The following MARK3 variants were observed in gnomAD, a reference collection of about 807,000 sequenced individuals.
MARK3 encodes the protein microtubule affinity regulating kinase 3.
A neutral mutation model predicts 90.1 loss-of-function variants in MARK3; 46 were observed. That is an observed-to-expected ratio of 0.51 (90% confidence interval 0.40 to 0.65). The LOEUF is 0.65. Among genes scored for constraint, MARK3 ranks in the 30% least tolerant of loss-of-function variants. MARK3 has a pLI of 0.00. For synonymous variants in MARK3, 321 were observed against 332.6 expected, an observed-to-expected ratio of 0.97 and a Z score of 0.38; for missense variants, 818 against 947.2, an observed-to-expected ratio of 0.86 and a Z score of 1.79.
chr14:103,468,275 G>A, intron 12 of MARK3, 89 bp downstream of exon 12: 1 of 927,292 alleles, frequency 1.1e-6, no homozygotes, highest in Admixed American at 2.9e-5. Context: ...TCAGAGCCTG[G>A]CTTGATGTCC....
chr14:103,436,183 C>T (rs929681918), intron 3 of MARK3, among the ~76,000 whole-genome samples: 2 of 152,114 alleles, frequency 1.3e-5, no homozygotes, highest in South Asian at 4.1e-4. Context: ...GCCACCGTGC[C>T]CGGCAAAGTA....
Position 103,458,656 on chromosome 14 carries a change from G to T in MARK3, c.483+1444G>T, listed in dbSNP as rs530995990. The T allele has an allele frequency of 4.9e-6, 3 of 608,828 alleles. No homozygotes were observed. In the South Asian group the frequency reaches 6.0e-5, roughly 12 times the overall value. 37.7% of individuals were successfully genotyped at this position (608,828 alleles called of 1,614,324 possible). A position where few individuals can be genotyped will look rare whatever the true frequency, so the allele number is the denominator to read the frequency against. On this transcript the variant is annotated intron_variant, in intron 6 of 17. Transcript: ENST00000429436. ...TAAATTAATTCTGTATTCTCACAAG[G>T]CCTACATTGAAATGGAATTATAGCC...
At position 103,385,778 on chromosome 14, in the gene MARK3, C is replaced by T. The variant is rs1009146718; in HGVS notation, c.-252C>T. On this transcript the variant is annotated 5_prime_UTR_variant, in exon 1 of 18. Transcript: ENST00000429436. Reference sequence around the variant, plus strand: ...AAGCGCAGCCCGCCGCCCGCAGGCTCGGCTCCGCCACTGCCGCCCTCCCGG... The same window carrying T: ...AAGCGCAGCCCGCCGCCCGCAGGCTTGGCTCCGCCACTGCCGCCCTCCCGG... 5.8e-4 allele frequency: 229 copies of T among 397,518 alleles called. 1 individual carries two copies. The highest frequency in any genetic ancestry group is 8.9e-4 in the Non-Finnish European group (201 of 225,448). 24.6% of individuals were successfully genotyped at this position (397,518 alleles called of 1,614,324 possible). A position where few individuals can be genotyped will look rare whatever the true frequency, so the allele number is the denominator to read the frequency against.
At chr14:103,493,804 G>A (rs1416190768) in intron 15 of MARK3, among the ~76,000 whole-genome samples, 2 of 149,808 alleles carry the variant, frequency 1.3e-5, no homozygotes, top group Non-Finnish European at 3.0e-5. Flanking sequence ...GAACCCGGAA[G>A]GCAGAGGTTG....
At chr14:103,404,485 ACATATTGAGTACTTTATTAAGTAAG>A (rs559012016) in intron 1 of MARK3, among the ~76,000 whole-genome samples, 161 of 152,328 alleles carry the variant, frequency 1.1e-3, no homozygotes, top group Non-Finnish European at 1.7e-3. Flanking sequence ...TAGGGTAGAG[ACATATTGAGTACTTTATTAAGTAAG>A]CATATTGAGT....
chr14:103,482,078 A>G (rs1318462497), intron 14 of MARK3, among the ~76,000 whole-genome samples: 1 of 151,746 alleles, frequency 6.6e-6, no homozygotes, highest in Non-Finnish European at 1.5e-5. Flanking sequence ...GTATTTCTTA[A>G]TAGTAGTCTA....
chr14:103,391,702 C>T (rs1380061323), intron 1 of MARK3, among the ~76,000 whole-genome samples: 1 of 138,618 alleles, frequency 7.2e-6, no homozygotes, highest in Non-Finnish European at 1.5e-5. Context: ...CGCCACCATG[C>T]CTGGCTATTT....
chr14:103,408,871 A>G (rs1182994530), intron 2 of MARK3, among the ~76,000 whole-genome samples: 1 of 152,080 alleles, frequency 6.6e-6, no homozygotes, highest in African/African-American at 2.4e-5. Flanking sequence ...TGCCTTATAG[A>G]CTGCTTTTGG....
intron 3 of MARK3, among the ~76,000 whole-genome samples, chr14:103,431,509 T>C (rs2092581667): frequency 6.6e-6 from 1 of 152,168 alleles, no homozygotes; most frequent in Admixed American, 6.5e-5. Flanking sequence ...CACATGCTTA[T>C]AATCCCAGCT....
chr14:103,462,157 G>A (rs191594433), intron 6 of MARK3, among the ~76,000 whole-genome samples: 2 of 152,160 alleles, frequency 1.3e-5, no homozygotes, highest in Admixed American at 6.5e-5. Context: ...CAACGGATAG[G>A]GTCCAAAAAG....
intron 15 of MARK3, among the ~76,000 whole-genome samples, chr14:103,492,321 CGTT>C (rs761593871): frequency 3.9e-5 from 6 of 151,980 alleles, no homozygotes; most frequent in African/African-American, 7.3e-5. Context: ...ATGGCATGTT[CGTT>C]GTTGTTGAGC....
At chr14:103,398,825 C>G (rs1285134669) in intron 1 of MARK3, among the ~76,000 whole-genome samples, 1 of 152,184 alleles carries the variant, frequency 6.6e-6, no homozygotes, top group Non-Finnish European at 1.5e-5. Flanking sequence ...ATTGTCACAA[C>G]TTGGCTTTGT....
At chr14:103,439,001 A>G (rs2092784647) in intron 3 of MARK3, among the ~76,000 whole-genome samples, 2 of 151,996 alleles carry the variant, frequency 1.3e-5, no homozygotes, top group South Asian at 4.2e-4. Flanking sequence ...TTAAAAAAAA[A>G]AAAAAGCACA....
Position 103,480,396 on chromosome 14 carries a change from G to T in MARK3, c.1492G>T (p.Ala498Ser), listed in dbSNP as rs1174974633. 3.1e-6 allele frequency: 5 copies of T among 1,608,690 alleles called. No homozygotes were observed. The African/African-American group carries it at 6.7e-5, about 22-fold the overall frequency. Residue 498 changes from alanine (A) to serine (S), a missense_variant, in exon 14 of 18, where the codon GCA becomes TCA. Around this residue, in one of 3 missense-constraint regions of MARK3, gnomAD observed 560 missense variants for 613.5 expected, o/e 0.91. Transcript: ENST00000429436. The part of the protein sequence containing the change: ...KSSTVPSSNT[A>S]SGGMTRRNTY... ...ATGCCCTTTTTTATAGAGTAACACA[G>T]CATCTGGTGGAATGACACGACGAAA... is the stretch of plus-strand genomic sequence containing the variant.
rs536330596 is a variant in MARK3 at position 103,498,495 on chromosome 14, C to A, written c.1845-7C>A. On this transcript the variant is annotated splice_polypyrimidine_tract_variant and splice_region_variant and intron_variant, in intron 15 of 17. Transcript: ENST00000429436. ...ATTTTTTTTTTTTTTTACTTAATTT[C>A]TTTTAGAAACATGTCATTCAGGTTT... 174 of 1,162,742 alleles carry A rather than the reference C, an allele frequency of 1.5e-4. No homozygotes were observed. Among genetic ancestry groups the A allele is most frequent in the East Asian group, 4.5e-4 (12 of 26,958 alleles). The allele number at this position is 1,162,742 out of a possible 1,614,324, so 72.0% of individuals were successfully genotyped here.
At chr14:103,491,091 G>GGTT (rs2094008133) in intron 14 of MARK3, 2 of 1,275,666 alleles carry the variant, frequency 1.6e-6, no homozygotes, top group Admixed American at 4.6e-5. Flanking sequence ...CAGTGAAGGA[G>GGTT]ATAACTTCAA....
rs2093295321 is a variant in MARK3 at position 103,457,166 on chromosome 14, C to T, written c.437C>T (p.Ala146Val). The T allele has an allele frequency of 6.2e-7, 1 of 1,609,994 alleles. No individual in the cohort carries two copies. The highest frequency in any genetic ancestry group is 1.1e-5 in the South Asian group (1 of 90,922). ...SGGEVFDYLV[A>V]HGRMKEKEAR... Reference sequence around the variant, plus strand: ...GGTGAAGTATTTGACTATTTGGTTGCACATGGCAGGATGAAGGAAAAAGAA... The same window carrying T: ...GGTGAAGTATTTGACTATTTGGTTGTACATGGCAGGATGAAGGAAAAAGAA... The change falls in exon 6 of 18, where the codon GCA (alanine) becomes GTA (valine). Residue 146 changes from alanine (A) to valine (V), a missense_variant. This residue lies in a region of MARK3 where 101 missense variants were observed against 175.1 expected (regional missense o/e 0.58). Transcript: ENST00000429436.
Position 103,482,261 on chromosome 14 carries a change from C to A in MARK3, c.1586+1771C>A, listed in dbSNP as rs972755072. On this transcript the variant is annotated intron_variant, in intron 14 of 17. Coordinates refer to ENST00000429436, the MANE Select transcript of MARK3 (RefSeq NM_001128918.3). ...CATGGTCAGGCACAGTGGCTCACAC[C>A]TGTAATCCCAGCACTCTGGGAGGCC... Among the ~76,000 whole-genome samples, 5 of 151,900 alleles carry A rather than the reference C, an allele frequency of 3.3e-5. No individual in the cohort carries two copies. The South Asian group carries it at 8.3e-4, about 25-fold the overall frequency.
rs2094033036 is a variant in MARK3 at position 103,492,431 on chromosome 14, C to G, written c.1844+397C>G. On this transcript the variant is annotated intron_variant, in intron 15 of 17. Coordinates refer to ENST00000429436, the MANE Select transcript of MARK3 (RefSeq NM_001128918.3). ...TGTCTTTCATAATCATCTCCAGCCCCAGAGGAAAGAGACAGCTTCTCTTTT... is the reference window on the plus strand; with the variant it reads ...TGTCTTTCATAATCATCTCCAGCCCGAGAGGAAAGAGACAGCTTCTCTTTT... 2.0e-5 allele frequency among the ~76,000 whole-genome samples: 3 copies of G among 152,034 alleles called. No homozygotes were observed. The South Asian group carries it at 6.2e-4, about 32-fold the overall frequency.
Sources: allele counts gnomAD v4.1 joint callset (sites outside exome capture counted in the v4.1 genomes callset), GRCh38; gene constraint gnomAD v4.1.1; regional missense constraint gnomAD v4.1.1; transcripts MANE v1.5; gene names NCBI Gene and HGNC (gene_info 2026-07-23, HGNC 2026-07-21).